L3MBTL4: variants seen among roughly 807,000 people sequenced by gnomAD.
L3MBTL4 encodes lethal(3)malignant brain tumor-like protein 4.
L3MBTL4 carries 70 observed loss-of-function variants against 84.5 expected under a neutral mutation model. That is an observed-to-expected ratio of 0.83 (90% CI 0.68 to 1.01). L3MBTL4 has a LOEUF of 1.01. Among genes scored for constraint, L3MBTL4 ranks in the 50% least tolerant of loss-of-function variants. L3MBTL4 has a pLI of 0.00. For synonymous variants in L3MBTL4, 274 were observed against 259.8 expected, an observed-to-expected ratio of 1.05 and a Z score of -0.52; for missense variants, 715 against 754.8, an observed-to-expected ratio of 0.95 and a Z score of 0.62.
chr18:5,986,630 AAAACC>A (rs1252825922), intron 16 of L3MBTL4, among the ~76,000 whole-genome samples: 1 of 152,244 alleles, frequency 6.6e-6, no homozygotes, highest in African/African-American at 2.4e-5. Context: ...TGCTAAAAAC[AAAACC>A]AATAGTTCTG....
intron 16 of L3MBTL4, among the ~76,000 whole-genome samples, chr18:5,995,096 C>T (rs745792177): frequency 3.9e-5 from 6 of 152,252 alleles, no homozygotes; most frequent in African/African-American, 7.2e-5. Flanking sequence ...ACACTCATAG[C>T]GCCAGCTAGA....
At chr18:6,342,093 T>A (rs2052635023) in intron 1 of L3MBTL4, among the ~76,000 whole-genome samples, 1 of 151,930 alleles carries the variant, frequency 6.6e-6, no homozygotes. Flanking sequence ...GCTGTGGGAG[T>A]TCATCATCAC....
chr18:6,412,590 T>A (rs1387854219), intron 1 of L3MBTL4, among the ~76,000 whole-genome samples: 1 of 152,046 alleles, frequency 6.6e-6, no homozygotes, highest in Non-Finnish European at 1.5e-5. Context: ...GGGCTTTCCA[T>A]CAGCAAATCT....
At chr18:6,027,085 G>T (rs1490098660) in intron 16 of L3MBTL4, among the ~76,000 whole-genome samples, 1 of 152,030 alleles carries the variant, frequency 6.6e-6, no homozygotes, top group African/African-American at 2.4e-5. Flanking sequence ...TTTTTACACA[G>T]GTATACATGT....
intron 16 of L3MBTL4, among the ~76,000 whole-genome samples, chr18:6,027,931 T>C (rs1460133618): frequency 6.6e-6 from 1 of 152,252 alleles, no homozygotes; most frequent in Non-Finnish European, 1.5e-5. Context: ...AAATTCTGGA[T>C]ATTAGACCTT....
chr18:6,204,649 C>T (rs1488067711), intron 12 of L3MBTL4, among the ~76,000 whole-genome samples: 1 of 152,170 alleles, frequency 6.6e-6, no homozygotes, highest in African/African-American at 2.4e-5. Flanking sequence ...TAAAACAAGG[C>T]ATGTTATATA....
chr18:6,310,797 A>C (rs1045092112), intron 3 of L3MBTL4, among the ~76,000 whole-genome samples: 4 of 152,226 alleles, frequency 2.6e-5, no homozygotes, highest in Non-Finnish European at 1.5e-5. Context: ...TGGTGACTAC[A>C]GGCATAGTGA....
intron 1 of L3MBTL4, among the ~76,000 whole-genome samples, chr18:6,380,743 G>A (rs1271733602): frequency 1.3e-5 from 2 of 152,088 alleles, no homozygotes; most frequent in African/African-American, 2.4e-5. Context: ...CCAATTATAC[G>A]GTCAATTTTA....
intron 1 of L3MBTL4, among the ~76,000 whole-genome samples, chr18:6,317,289 GT>G: frequency 6.6e-6 from 1 of 151,784 alleles, no homozygotes; most frequent in East Asian, 1.9e-4. Flanking sequence ...AATTCAAAAG[GT>G]TGATTACTAA....
intron 1 of L3MBTL4, among the ~76,000 whole-genome samples, chr18:6,403,449 A>G (rs371060718): frequency 1.2e-4 from 18 of 152,266 alleles, no homozygotes; most frequent in African/African-American, 4.1e-4. Context: ...ATCTATTATA[A>G]CCTATTATAT....
At chr18:6,133,448 C>G (rs2059935984) in intron 14 of L3MBTL4, among the ~76,000 whole-genome samples, 1 of 152,136 alleles carries the variant, frequency 6.6e-6, no homozygotes, top group Non-Finnish European at 1.5e-5. Flanking sequence ...TCCATCAACT[C>G]CAGCAGAGTC....
chr18:6,153,851 T>C (rs908364333), intron 13 of L3MBTL4, among the ~76,000 whole-genome samples: 2 of 152,190 alleles, frequency 1.3e-5, no homozygotes, highest in Non-Finnish European at 2.9e-5. Context: ...GCCATGATTG[T>C]AAGTTTCCTG....
At chr18:6,350,825 C>T (rs2053147446) in intron 1 of L3MBTL4, among the ~76,000 whole-genome samples, 1 of 152,194 alleles carries the variant, frequency 6.6e-6, no homozygotes, top group African/African-American at 2.4e-5. Flanking sequence ...AAACAACCTA[C>T]ATGTCCATTA....
At chr18:6,067,949 AT>A (rs1479482938) in intron 16 of L3MBTL4, among the ~76,000 whole-genome samples, 1 of 152,074 alleles carries the variant, frequency 6.6e-6, no homozygotes, top group Non-Finnish European at 1.5e-5. Flanking sequence ...TTTATTTTTG[AT>A]TTGACTGTGT....
intron 6 of L3MBTL4, among the ~76,000 whole-genome samples, chr18:6,243,920 A>G (rs2047552732): frequency 6.6e-6 from 1 of 152,208 alleles, no homozygotes; most frequent in South Asian, 2.1e-4. Flanking sequence ...TCCTCTAGAC[A>G]TGTGGTACAA....
chr18:6,271,563 G>A (rs1014108335), intron 4 of L3MBTL4, among the ~76,000 whole-genome samples: 1 of 152,174 alleles, frequency 6.6e-6, no homozygotes, highest in African/African-American at 2.4e-5. Context: ...TTTCCGAGAC[G>A]TTAAACTTTT....
chr18:6,230,671 C>G (rs892428326), intron 10 of L3MBTL4, among the ~76,000 whole-genome samples: 3 of 152,132 alleles, frequency 2.0e-5, no homozygotes, highest in Non-Finnish European at 4.4e-5. Context: ...CACTACACTG[C>G]TTTCCACAAT....
chr18:6,372,765 T>A (rs1400417087), intron 1 of L3MBTL4, among the ~76,000 whole-genome samples: 2 of 152,324 alleles, frequency 1.3e-5, no homozygotes, highest in East Asian at 3.9e-4. Context: ...AATATGTAAA[T>A]TGCTTCAGTG....
intron 4 of L3MBTL4, among the ~76,000 whole-genome samples, chr18:6,280,751 G>A (rs1279601220): frequency 6.6e-6 from 1 of 152,174 alleles, no homozygotes; most frequent in Non-Finnish European, 1.5e-5. Flanking sequence ...CTCAGTGGAA[G>A]AGCTTTCCCA....
Sources: allele counts gnomAD v4.1 joint callset (sites outside exome capture counted in the v4.1 genomes callset), GRCh38; gene constraint gnomAD v4.1.1; transcripts MANE v1.5; gene names NCBI Gene and HGNC (gene_info 2026-07-23, HGNC 2026-07-21).